Variants in RTEL1 observed in about 807,000 individuals in gnomAD.
The protein encoded by RTEL1 is regulator of telomere elongation helicase 1.
In RTEL1, 86 loss-of-function variants were observed where a neutral mutation model predicts 162.2. The ratio of observed to expected loss-of-function variants is 0.53; its 90% CI spans 0.45 to 0.63. The LOEUF (loss-of-function observed/expected upper bound fraction) is 0.63, where lower values mean the gene tolerates loss of function less well. Among genes scored for constraint, RTEL1 ranks in the 30% least tolerant of loss-of-function variants. The pLI is 0.00. For synonymous variants in RTEL1, 958 were observed against 717.9 expected (o/e 1.33, Z -5.35); for missense variants, 1,941 against 1,750.2 (o/e 1.11, Z -1.95).
At chr20:63,672,895 C>T (rs1398977470) in intron 9 of RTEL1, among the ~76,000 whole-genome samples, 4 of 152,228 alleles carry the variant, frequency 2.6e-5, no homozygotes, top group African/African-American at 7.2e-5. Flanking sequence ...CCAGCCAGCT[C>T]GGGGTCAGCC....
chr20:63,693,017 C>T lies in RTEL1; in HGVS notation c.2851+14C>T. ...ACCTGCTCCAAGGTGCCCTGGCTTG[C>T]AGAGGCCACCCACCCTGAGGGCAGT... is the stretch of plus-strand genomic sequence containing the variant. On this transcript the variant is annotated intron_variant, in intron 29 of 34. Coordinates refer to ENST00000360203, the MANE Select transcript of RTEL1 (RefSeq NM_001283009.2). The T allele has an allele frequency of 6.2e-7, 1 of 1,612,154 alleles. No homozygotes were observed. The highest frequency in any genetic ancestry group is 8.5e-7 in the Non-Finnish European group (1 of 1,179,486).
Position 63,666,080 on chromosome 20 carries a change from G to A in RTEL1, c.614+1G>A. ...TGGTCAAGAGCGGAAGCAAGCACAG[G>A]TGAGACCCCTCAGTGAGGCCACGAC... On this transcript the variant is annotated splice_donor_variant, in intron 7 of 34. Transcript: ENST00000360203. LOFTEE classifies it high-confidence loss of function. 6.2e-7 allele frequency: 1 copy of A among 1,613,828 alleles called. No individual in the cohort carries two copies. The highest frequency in any genetic ancestry group is 8.5e-7 in the Non-Finnish European group (1 of 1,179,780).
At chr20:63,693,118 G>T in intron 29 of RTEL1, 25 bp from the exon 30 acceptor site, 1 of 1,612,222 alleles carries the variant, frequency 6.2e-7, no homozygotes, top group East Asian at 2.2e-5. Flanking sequence ...GGGGCAGATG[G>T]GGACAGACGC....
At chr20:63,666,458 G>A (rs2090129274) in intron 7 of RTEL1, among the ~76,000 whole-genome samples, 1 of 152,246 alleles carries the variant, frequency 6.6e-6, no homozygotes, top group Non-Finnish European at 1.5e-5. Flanking sequence ...GAGGACAGCA[G>A]ATGTCTCCTA....
upstream of RTEL1, chr20:63,657,921 G>A (rs773162378): frequency 6.6e-6 from 1 of 152,426 alleles, no homozygotes; most frequent in Non-Finnish European, 1.5e-5. Flanking sequence ...AGGAAGGAGA[G>A]GGGGCGGTCA....
intron 7 of RTEL1, among the ~76,000 whole-genome samples, chr20:63,666,785 C>T (rs755956759): frequency 1.3e-5 from 2 of 151,818 alleles, no homozygotes; most frequent in African/African-American, 2.4e-5. Flanking sequence ...CTGCCTTGGC[C>T]TCCCAAAGTG....
At position 63,694,361 on chromosome 20, in the gene RTEL1, C is replaced by A; in HGVS notation, c.2993-11C>A. ...CTCGACCAGCTTTGTGGCTCTACAT[C>A]TCTTCATCAGGAAGAACGGCGCCGG... is the stretch of plus-strand genomic sequence containing the variant. On this transcript the variant is annotated splice_polypyrimidine_tract_variant and intron_variant, in intron 30 of 34. Transcript: ENST00000360203. The A allele has an allele frequency of 6.7e-7, 1 of 1,489,132 alleles. No homozygotes were observed. The highest frequency in any genetic ancestry group is 9.1e-7 in the Non-Finnish European group (1 of 1,096,706). 92.2% of individuals were successfully genotyped at this position (1,489,132 alleles called of 1,614,324 possible). A position where few individuals can be genotyped will look rare whatever the true frequency, so the allele number is the denominator to read the frequency against.
rs116053476 is a variant in RTEL1, at chr20:63,694,435, A to G, written c.3056A>G (p.Gln1019Arg). 6.7e-4 allele frequency: 1,087 copies of G among 1,611,978 alleles called. 7 individuals carry two copies. The African/African-American group carries it at 9.7e-3, about 14-fold the overall frequency. ...STAAAQQLDPQEHLNQGRPHL... is the reference protein window; with the variant it reads ...STAAAQQLDPREHLNQGRPHL... The stretch of plus-strand genomic sequence containing the variant: ...GCTGCAGCCCAGCAGCTGGACCCCC[A>G]AGAGCACCTGAACCAGGGCAGGCCC... Residue 1019 changes from glutamine (Q) to arginine (R), a missense_variant, in exon 31 of 35, where the codon CAA becomes CGA. Physicochemically the swap from Gln to Arg is conservative, Grantham distance 43. Transcript: ENST00000360203.
At chr20:63,691,905 C>A in intron 28 of RTEL1, 68 bp downstream of exon 28, 2 of 1,314,542 alleles carry the variant, frequency 1.5e-6, no homozygotes, top group Non-Finnish European at 2.2e-6. Context: ...CCGTGGGTGC[C>A]CCCAGCCACG....
At chr20:63,681,035 GGCAGCCCCA>G (rs1601141790) in intron 14 of RTEL1, 32 of 985,292 alleles carry the variant, frequency 3.2e-5, no homozygotes, top group African/African-American at 2.1e-4. Context: ...ACCCACTGCT[GGCAGCCCCA>G]GCAGCCCCAG....
In RTEL1 at chr20:63,680,689, C is replaced by T. The variant is rs141241780; in HGVS notation, c.1161C>T (p.Ala387=). 60 of 1,613,224 alleles carry T rather than the reference C, an allele frequency of 3.7e-5. No homozygotes were observed. The highest frequency in any genetic ancestry group is 1.7e-4 in the African/African-American group (13 of 74,940). Residue 387 remains alanine (A), a synonymous_variant, in exon 14 of 35, where the codon GCC becomes GCT. Transcript: ENST00000360203. ...AGRAGVFTNT[A]GLQKLADIIQ... is the part of the protein sequence containing the mutation. ...GTGCTGGAGTGTTCACCAACACGGC[C>T]GGACTGCAGAAGCTGGCGGACATTA... is the stretch of plus-strand genomic sequence containing the variant.
rs761295679 is a variant in RTEL1 at position 63,692,824 on chromosome 20, C to T, written c.2672C>T (p.Ala891Val). The change falls in exon 29 of 35, where the codon GCA (alanine) becomes GTA (valine). Residue 891 changes from alanine (A) to valine (V), a missense_variant. Ala to Val is a moderately conservative substitution (Grantham distance 64). Transcript: ENST00000360203. Reference sequence around the variant, plus strand: ...CTGCAGGAGGAGCCCGTGGCTGGTGCACAGACGGACAGGGCCAAGCTCTTC... The same window carrying T: ...CTGCAGGAGGAGCCCGTGGCTGGTGTACAGACGGACAGGGCCAAGCTCTTC... ...VSHPEEPVAG[A>V]QTDRAKLFMV... 1.8e-5 allele frequency: 29 copies of T among 1,611,944 alleles called. No individual in the cohort carries two copies. Among genetic ancestry groups the T allele is most frequent in the Non-Finnish European group, 2.3e-5 (27 of 1,179,562 alleles).
intron 18 of RTEL1, 43 bp downstream of exon 18, chr20:63,688,093 G>A: frequency 6.2e-7 from 1 of 1,612,136 alleles, no homozygotes; most frequent in Non-Finnish European, 8.5e-7. Flanking sequence ...GGAGGTGGGG[G>A]AGCACTGAGG....
chr20:63,689,869 C>T lies in RTEL1; in HGVS notation c.2141+4C>T, dbSNP rs780002400. ...CTGTCTTCCTCTGTGACCACAGGTG[C>T]GTGCAGTCCGGTGGCAGGCGCGGCG... On this transcript the variant is annotated splice_donor_region_variant and intron_variant, in intron 24 of 34. Coordinates refer to ENST00000360203, the MANE Select transcript of RTEL1 (RefSeq NM_001283009.2). 32 of 1,604,546 alleles carry T rather than the reference C, an allele frequency of 2.0e-5. No homozygotes were observed. The South Asian group carries it at 2.2e-4, about 11-fold the overall frequency.
intron 12 of RTEL1, among the ~76,000 whole-genome samples, chr20:63,678,818 A>G (rs1031155563): frequency 4.9e-5 from 6 of 122,042 alleles, no homozygotes; most frequent in South Asian, 5.7e-4. Context: ...CCCACGGAAC[A>G]GCACACACAC....
Position 63,691,825 on chromosome 20 carries a change from G to C in RTEL1, c.2640G>C (p.Leu880=), listed in dbSNP as rs147439049. The C allele has an allele frequency of 1.6e-5, 25 of 1,610,942 alleles. No homozygotes were observed. Among genetic ancestry groups the C allele is most frequent in the Non-Finnish European group, 1.8e-5 (21 of 1,179,662 alleles). The change falls in exon 28 of 35, where the codon CTG becomes CTC. Residue 880 remains leucine, a synonymous_variant. Transcript: ENST00000360203. ...GAGGAGGGAGGAAGAAGATCCGGCT[G>C]GTCAGCCACCCGGTGCGTGAGCTGT... ...EPRGGRKKIR[L]VSHPEEPVAG... is the part of the protein sequence containing the mutation.
Position 63,695,958 on chromosome 20 carries a change from G to A in RTEL1, c.*100G>A, listed in dbSNP as rs1476547796. 2 of 1,251,916 alleles carry A rather than the reference G, an allele frequency of 1.6e-6. No homozygotes were observed. The highest frequency in any genetic ancestry group is 1.5e-5 in the African/African-American group (1 of 67,242). 77.6% of individuals were successfully genotyped at this position (1,251,916 alleles called of 1,614,324 possible). A position where few individuals can be genotyped will look rare whatever the true frequency, so the allele number is the denominator to read the frequency against. ...CACCCAACAGAATAGGCCAGCCCAT[G>A]CCAGCCGGCTTGGCCCGCTGCAGGC... is the stretch of plus-strand genomic sequence containing the variant. On this transcript the variant is annotated 3_prime_UTR_variant, in exon 35 of 35. Coordinates refer to ENST00000360203, the MANE Select transcript of RTEL1 (RefSeq NM_001283009.2).
chr20:63,671,875 G>T (rs955462455), intron 8 of RTEL1, among the ~76,000 whole-genome samples: 1 of 151,930 alleles, frequency 6.6e-6, no homozygotes, highest in African/African-American at 2.4e-5. Context: ...CTGGGAGTTG[G>T]GTTTTGTTTT....
At chr20:63,680,929 G>A (rs930273028) in intron 14 of RTEL1, 29 of 985,288 alleles carry the variant, frequency 2.9e-5, no homozygotes, top group Non-Finnish European at 3.5e-5. Context: ...AGGTCTGGTG[G>A]CACATGCCCA....
Sources: gnomAD v4.1 joint callset for allele counts (sites outside exome capture counted in the v4.1 genomes callset) on GRCh38, gnomAD v4.1.1 for gene constraint, MANE v1.5 for transcripts, NCBI Gene and HGNC (gene_info 2026-07-23, HGNC 2026-07-21) for gene names.